The following LRRC4C variants were observed in gnomAD, a reference collection of about 807,000 sequenced individuals.
The protein encoded by LRRC4C is leucine rich repeat containing 4C.
A neutral mutation model predicts 33.6 loss-of-function variants in LRRC4C; 5 were observed. The observed-to-expected ratio is 0.15, with a 90% confidence interval of 0.08 to 0.31. LRRC4C has a LOEUF of 0.31. LRRC4C is among the 10% of genes least tolerant of loss of function. The probability of loss-of-function intolerance (pLI) is 1.00; values close to 1 mark genes in which losing one functional copy is unlikely to be tolerated. For synonymous variants in LRRC4C, 329 were observed against 302.0 expected (o/e 1.09, Z -0.93); for missense variants, 560 against 796.7 (o/e 0.70, Z 3.58).
intron 2 of LRRC4C, among the ~76,000 whole-genome samples, chr11:40,718,664 A>G (rs1946852492): frequency 6.6e-6 from 1 of 152,190 alleles, no homozygotes; most frequent in South Asian, 2.1e-4. Flanking sequence ...TTATTTTATT[A>G]TTGAACTTAT....
chr11:40,755,987 G>A (rs1240793351), intron 2 of LRRC4C, among the ~76,000 whole-genome samples: 1 of 152,042 alleles, frequency 6.6e-6, no homozygotes, highest in African/African-American at 2.4e-5. Context: ...TGGGGTGCCT[G>A]TTTCAATCTG....
At chr11:41,296,405 C>T (rs936857344) in intron 1 of LRRC4C, among the ~76,000 whole-genome samples, 2 of 151,298 alleles carry the variant, frequency 1.3e-5, no homozygotes, top group African/African-American at 4.9e-5. Flanking sequence ...GCCTCTGCCT[C>T]CCAGGTTCAA....
chr11:41,328,096 T>C (rs918718321), intron 1 of LRRC4C, among the ~76,000 whole-genome samples: 1 of 152,206 alleles, frequency 6.6e-6, no homozygotes, highest in Non-Finnish European at 1.5e-5. Flanking sequence ...GAATGTCTCC[T>C]GTGTGCACAG....
chr11:40,551,428 A>G (rs553677245), intron 3 of LRRC4C, among the ~76,000 whole-genome samples: 2 of 152,298 alleles, frequency 1.3e-5, no homozygotes, highest in Middle Eastern at 3.4e-3. Context: ...AGAAAAAGTC[A>G]TATTTAATGA....
intron 1 of LRRC4C, among the ~76,000 whole-genome samples, chr11:41,076,598 C>T (rs1441670094): frequency 1.3e-5 from 2 of 152,184 alleles, no homozygotes; most frequent in Non-Finnish European, 2.9e-5. Context: ...CAGTCACTCC[C>T]TACTGGGCCC....
chr11:40,510,066 T>C (rs111790636), intron 3 of LRRC4C, among the ~76,000 whole-genome samples: 5 of 152,214 alleles, frequency 3.3e-5, no homozygotes, highest in African/African-American at 1.2e-4. Context: ...AGTTATGCAC[T>C]GGAATCACCT....
At chr11:40,805,097 T>C (rs1341554358) in intron 2 of LRRC4C, among the ~76,000 whole-genome samples, 1 of 152,196 alleles carries the variant, frequency 6.6e-6, no homozygotes, top group Non-Finnish European at 1.5e-5. Context: ...TGTCCAACAA[T>C]GAAGCCTGAG....
chr11:40,548,799 TAATA>T (rs1591072062), intron 3 of LRRC4C, among the ~76,000 whole-genome samples: 1 of 152,170 alleles, frequency 6.6e-6, no homozygotes, highest in African/African-American at 2.4e-5. Flanking sequence ...CAACCCTATG[TAATA>T]AATAAGAAAA....
chr11:41,096,190 G>A (rs1590555966), intron 1 of LRRC4C, among the ~76,000 whole-genome samples: 2 of 152,026 alleles, frequency 1.3e-5, no homozygotes, highest in Non-Finnish European at 2.9e-5. Flanking sequence ...TATTTACAAA[G>A]CACAGAATTA....
intron 1 of LRRC4C, among the ~76,000 whole-genome samples, chr11:41,396,090 T>C (rs970065210): frequency 2.6e-5 from 4 of 152,022 alleles, no homozygotes; most frequent in Middle Eastern, 3.4e-3. Context: ...ATTTTAAGAG[T>C]GGCCCAAGAC....
intron 1 of LRRC4C, among the ~76,000 whole-genome samples, chr11:41,312,643 C>G (rs1344887469): frequency 1.3e-5 from 2 of 152,124 alleles, no homozygotes; most frequent in Non-Finnish European, 2.9e-5. Context: ...TACTACAGTT[C>G]AGGTTTCCCT....
At chr11:40,591,233 C>T (rs1198809519) in intron 3 of LRRC4C, among the ~76,000 whole-genome samples, 1 of 152,100 alleles carries the variant, frequency 6.6e-6, no homozygotes, top group African/African-American at 2.4e-5. Flanking sequence ...TGGGAGCGAC[C>T]CGATTTTCCA....
intron 2 of LRRC4C, among the ~76,000 whole-genome samples, chr11:40,866,839 A>T (rs1954392589): frequency 6.6e-6 from 1 of 152,120 alleles, no homozygotes; most frequent in African/African-American, 2.4e-5. Flanking sequence ...TAGTCCATGG[A>T]TGTCTTCATC....
chr11:40,731,176 G>A (rs200401311), intron 2 of LRRC4C, among the ~76,000 whole-genome samples: 9 of 151,816 alleles, frequency 5.9e-5, no homozygotes, highest in Non-Finnish European at 1.3e-4. Context: ...AAAATTAGCC[G>A]GGCGTGGTGG....
intron 2 of LRRC4C, among the ~76,000 whole-genome samples, chr11:40,767,427 G>A (rs1051150272): frequency 6.6e-6 from 1 of 151,980 alleles, no homozygotes; most frequent in African/African-American, 2.4e-5. Flanking sequence ...CAGACAGAAA[G>A]CCAATAAAGA....
At chr11:40,127,078 A>T (rs1053122476) in intron 6 of LRRC4C, among the ~76,000 whole-genome samples, 3 of 152,094 alleles carry the variant, frequency 2.0e-5, no homozygotes, top group African/African-American at 7.2e-5. Context: ...AGAGATCGAG[A>T]CCATCCTGGT....
At chr11:40,923,586 T>C (rs1449983789) in intron 2 of LRRC4C, among the ~76,000 whole-genome samples, 5 of 152,198 alleles carry the variant, frequency 3.3e-5, no homozygotes, top group Non-Finnish European at 5.9e-5. Context: ...TAAAATGACA[T>C]AGAACAGAGC....
intron 1 of LRRC4C, among the ~76,000 whole-genome samples, chr11:41,186,115 G>A (rs908736495): frequency 6.6e-6 from 1 of 151,982 alleles, no homozygotes; most frequent in Non-Finnish European, 1.5e-5. Flanking sequence ...TACTGATTAA[G>A]GAAAAAGAAT....
At chr11:41,189,040 C>T (rs1945829746) in intron 1 of LRRC4C, among the ~76,000 whole-genome samples, 1 of 151,882 alleles carries the variant, frequency 6.6e-6, no homozygotes, top group South Asian at 2.1e-4. Context: ...TTCTTGTTCA[C>T]CTATGGTCAA....
Sources: gnomAD v4.1 joint callset for allele counts (sites outside exome capture counted in the v4.1 genomes callset) on GRCh38, gnomAD v4.1.1 for gene constraint, MANE v1.5 for transcripts, NCBI Gene and HGNC (gene_info 2026-07-23, HGNC 2026-07-21) for gene names.